Variants in OSBPL10 observed in about 807,000 individuals in gnomAD.
The protein encoded by OSBPL10 is oxysterol binding protein like 10.
In OSBPL10, 49 loss-of-function variants were observed where a neutral mutation model predicts 81.7. The ratio of observed to expected loss-of-function variants is 0.60; its 90% CI spans 0.48 to 0.76. OSBPL10 has a LOEUF of 0.76. OSBPL10 is among the 30% of genes least tolerant of loss of function. The pLI is 0.00. For missense variants in OSBPL10, 923 were observed against 987.8 expected, an observed-to-expected ratio of 0.93 and a Z score of 0.88; for synonymous variants, 419 against 383.6, an observed-to-expected ratio of 1.09 and a Z score of -1.08.
At position 31,765,161 on chromosome 3, in the gene OSBPL10, G is replaced by C. The variant is rs532347819; in HGVS notation, c.730-17041C>G. Among the ~76,000 whole-genome samples the C allele has an allele frequency of 2.6e-5, 4 of 152,074 alleles. No individual in the cohort carries two copies. The South Asian group carries it at 8.3e-4, about 32-fold the overall frequency. ...GTCTACCAAGTAGCTGGGATTACAG[G>C]CATGTGCCACCATGCCCAACTAATT... is the stretch of plus-strand genomic sequence containing the variant. On this transcript the variant is annotated intron_variant, in intron 4 of 11. Transcript: ENST00000396556.
chr3:31,681,675 A>G (rs921402619), intron 8 of OSBPL10, among the ~76,000 whole-genome samples: 4 of 152,048 alleles, frequency 2.6e-5, no homozygotes, highest in African/African-American at 9.7e-5. Flanking sequence ...ACCTTCTCCC[A>G]TTCCATTCAG....
At chr3:31,675,416 T>C (rs1700442660) in intron 8 of OSBPL10, among the ~76,000 whole-genome samples, 1 of 152,182 alleles carries the variant, frequency 6.6e-6, no homozygotes, top group Non-Finnish European at 1.5e-5. Flanking sequence ...AAGTCCTCCG[T>C]CACTCACCAG....
At chr3:31,860,029 G>A (rs6776025) in intron 3 of OSBPL10, among the ~76,000 whole-genome samples, 23,597 of 152,038 alleles carry the variant, frequency 0.16, 4,610 homozygotes, top group African/African-American at 0.46. Flanking sequence ...GAATGGTGTG[G>A]TGGACATTGC....
chr3:31,762,230 G>A (rs1022343080), intron 4 of OSBPL10, among the ~76,000 whole-genome samples: 1 of 152,108 alleles, frequency 6.6e-6, no homozygotes, highest in Non-Finnish European at 1.5e-5. Context: ...AAGGAAAAAA[G>A]CACAGAGTAG....
chr3:32,068,668 G>A (rs1575095871), intron 1 of OSBPL10, among the ~76,000 whole-genome samples: 2 of 152,170 alleles, frequency 1.3e-5, no homozygotes, highest in African/African-American at 4.8e-5. Context: ...ACGAGACCTA[G>A]ATCATTTTTG....
At chr3:31,917,241 A>G (rs1284552689) in intron 1 of OSBPL10, among the ~76,000 whole-genome samples, 1 of 152,218 alleles carries the variant, frequency 6.6e-6, no homozygotes, top group Non-Finnish European at 1.5e-5. Context: ...GCCTTGGCAA[A>G]GGAATTTCAG....
At chr3:31,889,376 T>C (rs192633326) in intron 1 of OSBPL10, among the ~76,000 whole-genome samples, 61 of 152,264 alleles carry the variant, frequency 4.0e-4, no homozygotes, top group Non-Finnish European at 8.5e-4. Context: ...CTATTCACAA[T>C]AGCCAAGATG....
At position 31,915,655 on chromosome 3, in the gene OSBPL10, G is replaced by A. The variant is rs149035194; in HGVS notation, c.282-35825C>T. On this transcript the variant is annotated intron_variant, in intron 1 of 11. Transcript: ENST00000396556. ...GGGTTGAAAAACTATCGCATACCAT[G>A]CTCAGTGCCTAGGTGACAGGATCAT... Among the ~76,000 whole-genome samples, 2,659 of 152,186 alleles carry A rather than the reference G, an allele frequency of 0.017. 262 individuals carry two copies. The East Asian group carries it at 0.28, about 16-fold the overall frequency.
intron 7 of OSBPL10, among the ~76,000 whole-genome samples, chr3:31,698,437 C>A (rs576138044): frequency 1.3e-5 from 2 of 151,786 alleles, no homozygotes; most frequent in Non-Finnish European, 2.9e-5. Context: ...GGTGATAGAG[C>A]GAGACTCCAT....
intron 3 of OSBPL10, among the ~76,000 whole-genome samples, chr3:31,840,314 A>T (rs1700460268): frequency 6.6e-6 from 1 of 152,222 alleles, no homozygotes; most frequent in South Asian, 2.1e-4. Context: ...TCTTAAAATC[A>T]ATAACTAATC....
rs555799914 is a variant in OSBPL10 at position 31,810,503 on chromosome 3, C to T, written c.729+19537G>A. On this transcript the variant is annotated intron_variant, in intron 4 of 11. Coordinates refer to ENST00000396556, the MANE Select transcript of OSBPL10 (RefSeq NM_017784.5). The stretch of plus-strand genomic sequence containing the variant: ...CTATGAAAAAACAAAAAAATTTTAA[C>T]ACAGCTAAAAACATCCCAAATAAAT... Among the ~76,000 whole-genome samples, 16 of 151,990 alleles carry T rather than the reference C, an allele frequency of 1.1e-4. No individual in the cohort carries two copies. The South Asian group carries it at 3.1e-3, about 30-fold the overall frequency.
chr3:31,979,109 C>G (rs1306549921), intron 1 of OSBPL10, among the ~76,000 whole-genome samples: 1 of 152,136 alleles, frequency 6.6e-6, no homozygotes, highest in Non-Finnish European at 1.5e-5. Context: ...GACAAGGCAC[C>G]TTGAGTTGCC....
At chr3:32,075,089 A>G (rs149928904) in intron 1 of OSBPL10, among the ~76,000 whole-genome samples, 1 of 152,326 alleles carries the variant, frequency 6.6e-6, no homozygotes, top group East Asian at 1.9e-4. Context: ...TTGGAACTTG[A>G]ATAGCAGGCA....
intron 6 of OSBPL10, among the ~76,000 whole-genome samples, chr3:31,723,539 T>TACACACAC (rs35189802): frequency 0.017 from 2,120 of 125,066 alleles, 57 homozygotes; most frequent in African/African-American, 0.076. Context: ...CTCTGTTTCT[T>TACACACAC]ACACACACAC....
rs527660652 is a variant in OSBPL10 at position 31,896,592 on chromosome 3, T to G, written c.282-16762A>C. 1.6e-4 allele frequency among the ~76,000 whole-genome samples: 25 copies of G among 152,266 alleles called. No homozygotes were observed. In the South Asian group the frequency reaches 4.6e-3, roughly 28 times the overall value. ...AGGGACAGTCCAGGACAATCGGACA[T>G]TAAGGGCCACAGAGCAGAGGCAGAT... On this transcript the variant is annotated intron_variant, in intron 1 of 11. Coordinates refer to ENST00000396556, the MANE Select transcript of OSBPL10 (RefSeq NM_017784.5).
At chr3:31,733,848 A>T (rs1163197223) in intron 5 of OSBPL10, among the ~76,000 whole-genome samples, 1 of 151,742 alleles carries the variant, frequency 6.6e-6, no homozygotes, top group African/African-American at 2.4e-5. Context: ...ATCTCTACTA[A>T]AAATACAAAA....
chr3:31,979,772 G>A (rs1698779185), intron 1 of OSBPL10, among the ~76,000 whole-genome samples: 1 of 150,368 alleles, frequency 6.7e-6, no homozygotes, highest in Non-Finnish European at 1.5e-5. Context: ...TCTTCCTCAC[G>A]ATGGCAGATC....
chr3:31,783,111 T>TATATA (rs1553625095), intron 4 of OSBPL10, among the ~76,000 whole-genome samples: 3 of 121,666 alleles, frequency 2.5e-5, no homozygotes, highest in East Asian at 4.2e-4. Context: ...AATATATCTA[T>TATATA]TATATATATA....
At chr3:32,035,351 C>T (rs921759994) in intron 2 of OSBPL10, among the ~76,000 whole-genome samples, 1 of 152,046 alleles carries the variant, frequency 6.6e-6, no homozygotes, top group African/African-American at 2.4e-5. Flanking sequence ...CACTGGAGCT[C>T]AAGAGTTCGA....
Sources: gnomAD v4.1 joint callset for allele counts (sites outside exome capture counted in the v4.1 genomes callset) on GRCh38, gnomAD v4.1.1 for gene constraint, MANE v1.5 for transcripts, NCBI Gene and HGNC (gene_info 2026-07-23, HGNC 2026-07-21) for gene names.